PTPRG: variants seen among roughly 807,000 people sequenced by gnomAD.
PTPRG encodes protein tyrosine phosphatase receptor type G.
PTPRG carries 102 observed loss-of-function variants against 165.3 expected under a neutral mutation model. The ratio of observed to expected loss-of-function variants is 0.62; its 90% CI spans 0.53 to 0.73. The LOEUF (loss-of-function observed/expected upper bound fraction) is 0.73. PTPRG is among the 30% of genes least tolerant of loss of function. The pLI, the probability that PTPRG is intolerant of heterozygous loss-of-function variation, is 0.00. For missense variants in PTPRG, 1,866 were observed against 1,861.4 expected, an observed-to-expected ratio of 1.00 and a Z score of -0.05; for synonymous variants, 675 against 669.5, an observed-to-expected ratio of 1.01 and a Z score of -0.13.
chr3:61,944,237 A>G (rs1041554551), intron 2 of PTPRG, among the ~76,000 whole-genome samples: 3 of 152,144 alleles, frequency 2.0e-5, no homozygotes, highest in Non-Finnish European at 2.9e-5. Context: ...CATTGCCCAG[A>G]TGTTCATTGG....
intron 5 of PTPRG, among the ~76,000 whole-genome samples, chr3:62,111,317 C>G (rs1559519342): frequency 6.6e-6 from 1 of 152,140 alleles, no homozygotes; most frequent in African/African-American, 2.4e-5. Flanking sequence ...GAGCAGTACT[C>G]CTGGAAGATG....
chr3:62,098,028 G>A (rs1228583118), intron 5 of PTPRG, among the ~76,000 whole-genome samples: 2 of 152,210 alleles, frequency 1.3e-5, no homozygotes, highest in African/African-American at 2.4e-5. Flanking sequence ...ATTCTAATTC[G>A]AGGTTATCTT....
At chr3:61,697,794 T>C (rs1392249051) in intron 1 of PTPRG, among the ~76,000 whole-genome samples, 1 of 152,204 alleles carries the variant, frequency 6.6e-6, no homozygotes, top group African/African-American at 2.4e-5. Flanking sequence ...TAGTTACGCC[T>C]CAACCATTTG....
intron 13 of PTPRG, among the ~76,000 whole-genome samples, chr3:62,221,361 G>A (rs1314116511): frequency 2.0e-5 from 3 of 152,118 alleles, no homozygotes; most frequent in African/African-American, 7.2e-5. Flanking sequence ...AAATGAGTGT[G>A]AAAAAGAAAA....
intron 5 of PTPRG, among the ~76,000 whole-genome samples, chr3:62,081,112 C>G (rs1380475861): frequency 6.6e-6 from 1 of 151,782 alleles, no homozygotes; most frequent in African/African-American, 2.4e-5. Flanking sequence ...AAAAAATTAG[C>G]CGGGCGTGGT....
rs527758977 is a variant in PTPRG, at chr3:61,961,538, G to A, written c.191-28087G>A. ...TTGGTCCCCTAAATAAGAAAGTTTA[G>A]GCACATCATTCCTCAAAGATCAGAT... On this transcript the variant is annotated intron_variant, in intron 2 of 29. Coordinates refer to ENST00000474889, the MANE Select transcript of PTPRG (RefSeq NM_002841.4). 3.0e-3 allele frequency among the ~76,000 whole-genome samples: 451 copies of A among 152,234 alleles called. 4 individuals are homozygous for A. Among genetic ancestry groups the A allele is most frequent in the African/African-American group, 0.011 (438 of 41,534 alleles).
Position 62,210,064 on chromosome 3 carries a change from T to C in PTPRG, c.2155+6114T>C, listed in dbSNP as rs1397154184. Among the ~76,000 whole-genome samples, 1 of 152,154 alleles carries C rather than the reference T, an allele frequency of 6.6e-6. No individual in the cohort carries two copies. The highest frequency in any genetic ancestry group is 1.5e-5 in the Non-Finnish European group (1 of 68,020). ...GGATTTATCAAATGCCTCCCCACTT[T>C]CCCACCACCTAATTGAAATAGAGAT... On this transcript the variant is annotated intron_variant, in intron 12 of 29. Transcript: ENST00000474889. This position sits in a 1 kb window ranked among gnomAD's most constrained non-coding sequence, Gnocchi z 4.1.
intron 2 of PTPRG, among the ~76,000 whole-genome samples, chr3:61,803,853 C>T (rs114306727): frequency 7.2e-5 from 11 of 152,220 alleles, no homozygotes; most frequent in East Asian, 5.8e-4. Flanking sequence ...AAAGTTGCAA[C>T]GCTAGGGTCT....
At chr3:62,144,738 C>T (rs541666508) in intron 6 of PTPRG, among the ~76,000 whole-genome samples, 206 of 152,290 alleles carry the variant, frequency 1.4e-3, no homozygotes, top group African/African-American at 4.8e-3. Context: ...TGCATCAGAA[C>T]CACCACCATA....
intron 5 of PTPRG, among the ~76,000 whole-genome samples, chr3:62,113,751 A>G (rs1576018079): frequency 6.6e-6 from 1 of 152,216 alleles, no homozygotes; most frequent in Non-Finnish European, 1.5e-5. Flanking sequence ...AAACGAAACT[A>G]CTATAAAGTG....
chr3:62,128,714 C>T (rs369300745), intron 5 of PTPRG, among the ~76,000 whole-genome samples: 3 of 149,006 alleles, frequency 2.0e-5, no homozygotes, highest in African/African-American at 2.5e-5. Context: ...TTTCCCCATC[C>T]CTGGCCTCCT....
chr3:61,939,079 G>C (rs1426888248), intron 2 of PTPRG, among the ~76,000 whole-genome samples: 2 of 152,152 alleles, frequency 1.3e-5, no homozygotes, highest in African/African-American at 4.8e-5. Flanking sequence ...ACCGGAACTG[G>C]GTACAGGCGC....
At position 62,207,589 on chromosome 3, in the gene PTPRG, A is replaced by G. The variant is rs149297587; in HGVS notation, c.2155+3639A>G. Among the ~76,000 whole-genome samples the G allele has an allele frequency of 2.9e-3, 443 of 152,368 alleles. 2 individuals are homozygous for G. The highest frequency in any genetic ancestry group is 0.01 in the African/African-American group (433 of 41,598). On this transcript the variant is annotated intron_variant, in intron 12 of 29. Transcript: ENST00000474889. ...ATTTATTTTTTCTTCATATTAAGGA[A>G]AAACAATTACTTTAATCAATACCTG...
chr3:61,776,061 AAAACTT>A (rs1467667677), intron 2 of PTPRG, among the ~76,000 whole-genome samples: 1 of 146,970 alleles, frequency 6.8e-6, no homozygotes, highest in African/African-American at 2.5e-5. Flanking sequence ...CATGTACCCT[AAAACTT>A]AAAGTATAAT....
intron 1 of PTPRG, among the ~76,000 whole-genome samples, chr3:61,620,342 G>T (rs920056620): frequency 6.6e-6 from 1 of 152,146 alleles, no homozygotes; most frequent in Non-Finnish European, 1.5e-5. Flanking sequence ...TCAAAATCAG[G>T]CAGCCAACAG....
Position 61,562,381 on chromosome 3 carries a change from C to T in PTPRG, c.85+9C>T. On this transcript the variant is annotated intron_variant, in intron 1 of 29. Coordinates refer to ENST00000474889, the MANE Select transcript of PTPRG (RefSeq NM_002841.4). ...TGTCGTGTGCTTCCCCGGTGAGTGC[C>T]GGCCGCCGAGGGGATGCGGCCCCGG... is the stretch of plus-strand genomic sequence containing the variant. 1 of 1,612,930 alleles carries T rather than the reference C, an allele frequency of 6.2e-7. No homozygotes were observed. The highest frequency in any genetic ancestry group is 8.5e-7 in the Non-Finnish European group (1 of 1,179,286).
At position 61,696,455 on chromosome 3, in the gene PTPRG, T is replaced by G. The variant is rs186305230; in HGVS notation, c.86-52423T>G. On this transcript the variant is annotated intron_variant, in intron 1 of 29. Coordinates refer to ENST00000474889, the MANE Select transcript of PTPRG (RefSeq NM_002841.4). ...AGGCGAAGGTTGCATTGAGCTGAGA[T>G]CACACCATTGCACTCCATCCTGGGC... 1.4e-3 allele frequency among the ~76,000 whole-genome samples: 207 copies of G among 152,242 alleles called. 1 individual carries two copies. Among genetic ancestry groups the G allele is most frequent in the Middle Eastern group, 0.01 (3 of 294 alleles).
chr3:62,263,624 T>C (rs891719974), intron 17 of PTPRG: 1 of 152,306 alleles, frequency 6.6e-6, no homozygotes. Context: ...TTGTATACAA[T>C]AGTGCATTTA....
Position 62,237,269 on chromosome 3 carries a change from T to TG in PTPRG, c.2375+5964dup, listed in dbSNP as rs1007449126. 5.3e-5 allele frequency among the ~76,000 whole-genome samples: 8 copies of TG among 152,050 alleles called. No individual in the cohort carries two copies. Among genetic ancestry groups the TG allele is most frequent in the African/African-American group, 1.9e-4 (8 of 41,406 alleles). On this transcript the variant is annotated intron_variant, in intron 14 of 29. Transcript: ENST00000474889. The surrounding 1 kb of genome is among the most constrained non-coding windows in gnomAD (Gnocchi z 4.5). The stretch of plus-strand genomic sequence containing the variant: ...TTCCTTAAGAATTCCTGGGTGGAAA[T>TG]GGGGGGTCAGAAGTCTAGAGGTTTT...
Sources: allele counts gnomAD v4.1 joint callset (sites outside exome capture counted in the v4.1 genomes callset), GRCh38; gene constraint gnomAD v4.1.1; non-coding constraint Gnocchi (gnomAD v3.1); transcripts MANE v1.5; gene names NCBI Gene and HGNC (gene_info 2026-07-23, HGNC 2026-07-21).